The following BRWD3 variants were observed in gnomAD, a reference collection of about 807,000 sequenced individuals.
BRWD3 encodes the protein bromodomain and WD repeat-containing protein 3.
Under a neutral mutation model 149.7 loss-of-function variants are expected in BRWD3, and 10 were observed. The ratio of observed to expected loss-of-function variants is 0.07; its 90% CI spans 0.04 to 0.11. BRWD3 has a LOEUF of 0.11. BRWD3 is among the 10% of genes least tolerant of loss of function. BRWD3 has a pLI of 1.00. For missense variants in BRWD3, 940 were observed against 1,373.2 expected, an observed-to-expected ratio of 0.68 and a Z score of 4.99; for synonymous variants, 504 against 456.7, an observed-to-expected ratio of 1.10 and a Z score of -1.32.
At chrX:80,774,335 C>A (rs914450201) in intron 6 of BRWD3, among the ~76,000 whole-genome samples, 2 of 109,652 alleles carry the variant, frequency 1.8e-5, no homozygotes, top group African/African-American at 3.3e-5. Flanking sequence ...GGCACATCGG[C>A]TCACTGCAGC....
intron 23 of BRWD3, 87 bp from the exon 24 acceptor site, chrX:80,703,680 G>C (rs2072822486): frequency 1.6e-6 from 1 of 630,589 alleles, no homozygotes; most frequent in African/African-American, 2.3e-5. Flanking sequence ...AAAAATAGTA[G>C]GTAGAGAAGA....
chrX:80,725,849 T>A (rs1208144957), intron 14 of BRWD3, among the ~76,000 whole-genome samples: 1 of 106,304 alleles, frequency 9.4e-6, no homozygotes, highest in Non-Finnish European at 1.9e-5. Flanking sequence ...ATGTGTTACA[T>A]GCCTATATAA....
intron 23 of BRWD3, 44 bp from the exon 24 acceptor site, chrX:80,703,637 C>A: frequency 1.1e-6 from 1 of 925,800 alleles, no homozygotes. Context: ...AAACACAGTT[C>A]TCCAATACAT....
intron 6 of BRWD3, among the ~76,000 whole-genome samples, chrX:80,765,914 G>T (rs774971177): frequency 9.0e-6 from 1 of 111,577 alleles, no homozygotes; most frequent in East Asian, 2.8e-4. Flanking sequence ...ATTTATTTAA[G>T]TATTAAATAC....
At chrX:80,721,107 G>A (rs1017148923) in intron 17 of BRWD3, among the ~76,000 whole-genome samples, 2 of 112,068 alleles carry the variant, frequency 1.8e-5, no homozygotes, top group African/African-American at 6.5e-5. Flanking sequence ...ACATTTTAGT[G>A]TTTTAATGAG....
In BRWD3 at chrX:80,798,044, G is replaced by A. The variant is rs1042270681; in HGVS notation, c.181-4272C>T. Reference sequence around the variant, plus strand: ...CGGGAGGCAGAGGTTGCAGTGAGCCGAGATCACGCCACTGCACTCCAGACT... The same window carrying A: ...CGGGAGGCAGAGGTTGCAGTGAGCCAAGATCACGCCACTGCACTCCAGACT... On this transcript the variant is annotated intron_variant, in intron 4 of 40. Transcript: ENST00000373275. Among the ~76,000 whole-genome samples, 5 of 110,810 alleles carry A rather than the reference G, an allele frequency of 4.5e-5. No homozygotes were observed. The East Asian group carries it at 1.1e-3, about 25-fold the overall frequency.
At chrX:80,774,109 T>C (rs778595512) in intron 6 of BRWD3, among the ~76,000 whole-genome samples, 2 of 111,721 alleles carry the variant, frequency 1.8e-5, no homozygotes, top group South Asian at 7.5e-4. Context: ...GTTAATCAAC[T>C]CTGTAATTCT....
intron 16 of BRWD3, among the ~76,000 whole-genome samples, chrX:80,723,224 G>C (rs2073174914): frequency 9.0e-6 from 1 of 111,158 alleles, no homozygotes; most frequent in African/African-American, 3.3e-5. Context: ...TGATATTAAT[G>C]CAATTATTGA....
At chrX:80,705,109 T>A (rs1248350577) in intron 22 of BRWD3, among the ~76,000 whole-genome samples, 1 of 110,331 alleles carries the variant, frequency 9.1e-6, no homozygotes, top group Admixed American at 9.7e-5. Context: ...CTACTAAAAA[T>A]ACAAAAATTA....
chrX:80,781,738 CA>C (rs1372088915), intron 6 of BRWD3, among the ~76,000 whole-genome samples: 2 of 110,870 alleles, frequency 1.8e-5, no homozygotes, highest in Non-Finnish European at 3.8e-5. Context: ...AAAAGGAAAT[CA>C]AGAAAGTAAT....
chrX:80,800,337 C>G (rs1234356742), intron 4 of BRWD3, among the ~76,000 whole-genome samples: 1 of 102,230 alleles, frequency 9.8e-6, no homozygotes, highest in East Asian at 3.1e-4. Flanking sequence ...CCCAAGAAAT[C>G]AAGACCAGCC....
chrX:80,796,134 T>G (rs1324489411), intron 4 of BRWD3, among the ~76,000 whole-genome samples: 2 of 93,939 alleles, frequency 2.1e-5, no homozygotes, highest in Non-Finnish European at 4.5e-5. Flanking sequence ...AATGTTTTTG[T>G]TTTTTTTTTT....
At chrX:80,741,837 A>G (rs2073514146) in intron 8 of BRWD3, among the ~76,000 whole-genome samples, 1 of 111,724 alleles carries the variant, frequency 9.0e-6, no homozygotes, top group Admixed American at 9.5e-5. Flanking sequence ...CAGGTTGCAA[A>G]AACTTTCTCC....
intron 6 of BRWD3, among the ~76,000 whole-genome samples, chrX:80,752,438 G>T (rs1359125651): frequency 9.0e-6 from 1 of 111,406 alleles, no homozygotes; most frequent in Non-Finnish European, 1.9e-5. Flanking sequence ...TTGCTGGATT[G>T]AATGGACATT....
chrX:80,756,332 T>A (rs1266352997), intron 6 of BRWD3, among the ~76,000 whole-genome samples: 1 of 108,091 alleles, frequency 9.3e-6, no homozygotes, highest in Non-Finnish European at 1.9e-5. Context: ...AGAAACCCCG[T>A]CTCTACTAAA....
chrX:80,761,609 G>A (rs1335811618), intron 6 of BRWD3, among the ~76,000 whole-genome samples: 4 of 111,661 alleles, frequency 3.6e-5, no homozygotes, highest in African/African-American at 1.3e-4. Flanking sequence ...GTTAGGTACT[G>A]AGGAAAGACA....
intron 6 of BRWD3, among the ~76,000 whole-genome samples, chrX:80,770,892 A>G (rs2073936258): frequency 8.9e-6 from 1 of 112,179 alleles, no homozygotes; most frequent in Non-Finnish European, 1.9e-5. Flanking sequence ...CTGATAAGCA[A>G]CTTCAGCAAA....
chrX:80,695,994 T>C lies in BRWD3; in HGVS notation c.3069-4A>G, dbSNP rs2072685148. On this transcript the variant is annotated splice_region_variant and splice_polypyrimidine_tract_variant and intron_variant, in intron 26 of 40. Transcript: ENST00000373275. ...GACATCCGGCATGTCATGATACCTATACAGAAAATAAAGCACATATGAATC... is the reference window on the plus strand; with the variant it reads ...GACATCCGGCATGTCATGATACCTACACAGAAAATAAAGCACATATGAATC... 7.6e-6 allele frequency: 9 copies of C among 1,184,170 alleles called. No homozygotes were observed. Among genetic ancestry groups the C allele is most frequent in the Non-Finnish European group, 8.0e-6 (7 of 871,027 alleles).
chrX:80,704,665 T>C lies in BRWD3; in HGVS notation c.2721+13A>G, dbSNP rs374518563. 9.1e-6 allele frequency: 11 copies of C among 1,204,032 alleles called. No homozygotes were observed. Among genetic ancestry groups the C allele is most frequent in the Admixed American group, 2.2e-5 (1 of 45,387 alleles). On this transcript the variant is annotated intron_variant, in intron 23 of 40. Transcript: ENST00000373275. ...AAAATAACAAAAACAAAATAACTTA[T>C]AAAGTTACAAACCTTCTTTCTAGTC...
Sources: gnomAD v4.1 joint callset for allele counts (sites outside exome capture counted in the v4.1 genomes callset) on GRCh38, gnomAD v4.1.1 for gene constraint, MANE v1.5 for transcripts, NCBI Gene and HGNC (gene_info 2026-07-23, HGNC 2026-07-21) for gene names.